The following NUP210L variants were observed in gnomAD, a reference collection of about 807,000 sequenced individuals.
NUP210L encodes nuclear pore membrane glycoprotein 210-like.
In NUP210L, 74 loss-of-function variants were observed where a neutral mutation model predicts 208.5. The ratio of observed to expected loss-of-function variants is 0.35; its 90% CI spans 0.29 to 0.43. NUP210L has a LOEUF of 0.43. Ranked by LOEUF, NUP210L falls within the 20% of genes least tolerant of loss-of-function variation. The pLI is 1.00. For missense variants in NUP210L, 1,843 were observed against 2,289.4 expected, an observed-to-expected ratio of 0.81 and a Z score of 3.98; for synonymous variants, 780 against 816.9, an observed-to-expected ratio of 0.95 and a Z score of 0.77.
At chr1:154,020,419 T>C (rs1364200452) in intron 32 of NUP210L, among the ~76,000 whole-genome samples, 1 of 152,150 alleles carries the variant, frequency 6.6e-6, no homozygotes, top group Non-Finnish European at 1.5e-5. Flanking sequence ...AGTGCGATCA[T>C]AGCTTACTGC....
chr1:154,104,513 G>A, intron 12 of NUP210L: 1 of 326,324 alleles, frequency 3.1e-6, no homozygotes, highest in South Asian at 3.1e-5. Flanking sequence ...ATGGGGCAGA[G>A]AGAGAATCTG....
At chr1:154,121,798 C>T (rs564253369) in intron 10 of NUP210L, among the ~76,000 whole-genome samples, 3 of 151,254 alleles carry the variant, frequency 2.0e-5, no homozygotes, top group African/African-American at 7.3e-5. Flanking sequence ...ACCCGGGAGG[C>T]GGAGGTTGCA....
intron 25 of NUP210L, among the ~76,000 whole-genome samples, chr1:154,047,867 G>A (rs147490266): frequency 2.0e-5 from 3 of 152,246 alleles, no homozygotes; most frequent in Non-Finnish European, 2.9e-5. Context: ...GTGCCCATAC[G>A]TGGGGCTCCA....
At chr1:154,025,221 C>G (rs1047461348) in intron 30 of NUP210L, among the ~76,000 whole-genome samples, 3 of 152,082 alleles carry the variant, frequency 2.0e-5, no homozygotes, top group Non-Finnish European at 4.4e-5. Context: ...AGCCACCGTG[C>G]CCGGCCAGGC....
intron 18 of NUP210L, 45 bp from the exon 19 acceptor site, chr1:154,061,091 T>C: frequency 7.1e-7 from 1 of 1,407,668 alleles, no homozygotes; most frequent in Non-Finnish European, 1.0e-6. Flanking sequence ...AAACATCTAA[T>C]TCTTGGCCGC....
Position 154,120,279 on chromosome 1 carries a change from T to A in NUP210L, c.1327-1471A>T, listed in dbSNP as rs1222466946. 2.6e-5 allele frequency among the ~76,000 whole-genome samples: 4 copies of A among 152,182 alleles called. No homozygotes were observed. In the South Asian group the frequency reaches 6.2e-4, roughly 24 times the overall value. On this transcript the variant is annotated intron_variant, in intron 10 of 39. Coordinates refer to ENST00000368559, the Ensembl canonical transcript of NUP210L. ...AAATTTGTTTGAGTTCTTTGTAGAT[T>A]CTGGATACTATGCAGCCATAAAAAA...
chr1:154,089,688 TA>T, intron 15 of NUP210L, 94 bp from the exon 16 acceptor site: 1 of 998,982 alleles, frequency 1.0e-6, no homozygotes, highest in Non-Finnish European at 1.5e-6. Flanking sequence ...CAAATTCCAG[TA>T]TAGAGAGTCC....
intron 1 of NUP210L, 29 bp downstream of exon 1, chr1:154,154,813 G>C (rs1659614975): frequency 1.3e-6 from 2 of 1,553,776 alleles, no homozygotes; most frequent in East Asian, 4.5e-5. Flanking sequence ...TAGTGAGGGT[G>C]CATATCCTTG....
chr1:153,993,348 C>T (rs879347407), intron 38 of NUP210L, among the ~76,000 whole-genome samples: 4 of 151,888 alleles, frequency 2.6e-5, no homozygotes, highest in Admixed American at 6.6e-5. Flanking sequence ...GGGCGGATCA[C>T]GAGGTCAGGA....
In NUP210L at chr1:154,050,002, A is replaced by G. The variant is rs117161696; in HGVS notation, c.3484-3633T>C. On this transcript the variant is annotated intron_variant, in intron 25 of 39. Transcript: ENST00000368559. ...TCATAAAAAATTTTCACAGTATTAC[A>G]TTATTCCTTATATGGACGATATACT... Among the ~76,000 whole-genome samples the G allele has an allele frequency of 1.3e-4, 20 of 152,272 alleles. No individual in the cohort carries two copies. The East Asian group carries it at 3.9e-3, about 29-fold the overall frequency.
intron 16 of NUP210L, among the ~76,000 whole-genome samples, chr1:154,070,740 T>C (rs370983727): frequency 6.6e-6 from 1 of 152,180 alleles, no homozygotes; most frequent in African/African-American, 2.4e-5. Context: ...GTTTTGTTGA[T>C]GTAGGCATCA....
At chr1:154,082,318 T>TG (rs1320106191) in intron 16 of NUP210L, among the ~76,000 whole-genome samples, 6 of 152,202 alleles carry the variant, frequency 3.9e-5, no homozygotes, top group Non-Finnish European at 8.8e-5. Context: ...AACTGCATAT[T>TG]GGTGTCAGAA....
intron 16 of NUP210L, among the ~76,000 whole-genome samples, chr1:154,077,881 A>G (rs1227874357): frequency 6.6e-6 from 1 of 152,110 alleles, no homozygotes; most frequent in Non-Finnish European, 1.5e-5. Context: ...GCTACTTGGG[A>G]GGCTGAGACA....
intron 14 of NUP210L, among the ~76,000 whole-genome samples, chr1:154,097,022 C>T (rs1032568194): frequency 4.6e-5 from 7 of 151,782 alleles, no homozygotes; most frequent in South Asian, 2.1e-4. Flanking sequence ...TGGAGGTTGC[C>T]GAGATTGCAC....
At chr1:154,099,121 G>C (rs1237269045) in intron 14 of NUP210L, among the ~76,000 whole-genome samples, 2 of 152,304 alleles carry the variant, frequency 1.3e-5, no homozygotes, top group East Asian at 3.9e-4. Flanking sequence ...GCGGGAGTGT[G>C]CAGAAGGGGC....
At chr1:154,104,567 A>G (rs1456596412) in intron 12 of NUP210L, 1 of 180,854 alleles carries the variant, frequency 5.5e-6, no homozygotes, top group Admixed American at 5.9e-5. Flanking sequence ...GCATTCCACA[A>G]TCACTGCACT....
intron 28 of NUP210L, 103 bp downstream of exon 28, chr1:154,029,793 C>G (rs1244315180): frequency 2.3e-6 from 2 of 880,988 alleles, no homozygotes; most frequent in East Asian, 5.5e-5. Context: ...ATCGCTCTAA[C>G]AATTATCTGT....
chr1:154,017,525 T>TC (rs976034625), intron 33 of NUP210L, among the ~76,000 whole-genome samples: 1 of 149,498 alleles, frequency 6.7e-6, no homozygotes, highest in African/African-American at 2.5e-5. Flanking sequence ...CTTTCTTTTT[T>TC]TTTTTTTTTT....
chr1:154,107,070 CAA>C (rs1011392789), intron 12 of NUP210L, among the ~76,000 whole-genome samples: 3 of 151,998 alleles, frequency 2.0e-5, no homozygotes, highest in African/African-American at 7.3e-5. Flanking sequence ...ACCTTACAGA[CAA>C]AGAGTTCAAA....
Sources: allele counts gnomAD v4.1 joint callset (sites outside exome capture counted in the v4.1 genomes callset), GRCh38; gene constraint gnomAD v4.1.1; transcripts MANE v1.5; gene names NCBI Gene and HGNC (gene_info 2026-07-23, HGNC 2026-07-21).